The following THRAP3 variants were observed in gnomAD, a reference collection of about 807,000 sequenced individuals.
THRAP3 encodes thyroid hormone receptor-associated protein 3.
A neutral mutation model predicts 101.0 loss-of-function variants in THRAP3; 16 were observed. The ratio of observed to expected loss-of-function variants is 0.16; its 90% CI spans 0.11 to 0.24. The LOEUF is 0.24. Ranked by LOEUF, THRAP3 falls within the 10% of genes least tolerant of loss-of-function variation. THRAP3 has a pLI of 1.00. For missense variants in THRAP3, 989 were observed against 1,202.7 expected, an observed-to-expected ratio of 0.82 and a Z score of 2.63; for synonymous variants, 407 against 422.6, an observed-to-expected ratio of 0.96 and a Z score of 0.45.
intron 2 of THRAP3, among the ~76,000 whole-genome samples, chr1:36,278,179 C>T (rs186451481): frequency 6.6e-6 from 1 of 151,930 alleles, no homozygotes; most frequent in East Asian, 1.9e-4. Context: ...ATTCTCCCTG[C>T]CTCAGCCTTC....
At chr1:36,263,756 G>T (rs1037197442) in intron 2 of THRAP3, among the ~76,000 whole-genome samples, 4 of 152,114 alleles carry the variant, frequency 2.6e-5, no homozygotes, top group Non-Finnish European at 4.4e-5. Context: ...TAATAGACAC[G>T]CATTGACTGA....
intron 2 of THRAP3, among the ~76,000 whole-genome samples, chr1:36,261,280 C>T (rs570173047): frequency 6.6e-6 from 1 of 152,208 alleles, no homozygotes; most frequent in African/African-American, 2.4e-5. Flanking sequence ...CGCCTGTAAT[C>T]CCAGCACTTT....
At chr1:36,208,378 T>A in the THRAP3 span, among the ~76,000 whole-genome samples, 2 of 151,978 alleles carry the variant, frequency 1.3e-5, no homozygotes, top group Non-Finnish European at 2.9e-5. Flanking sequence ...TAGTCAAGGG[T>A]GGGAATGTGA....
intron 2 of THRAP3, among the ~76,000 whole-genome samples, chr1:36,263,722 T>G (rs573619572): frequency 6.6e-6 from 1 of 152,286 alleles, no homozygotes; most frequent in South Asian, 2.1e-4. Context: ...CCCCAATGAT[T>G]AATTGCATAG....
upstream of THRAP3, among the ~76,000 whole-genome samples, chr1:36,223,122 CAATA>C (rs546686168): frequency 2.2e-4 from 33 of 151,672 alleles, 1 homozygote; most frequent in Admixed American, 1.7e-3. Flanking sequence ...GGGAGAATCT[CAATA>C]AATAAATAAA....
At chr1:36,275,760 G>A (rs944443953) in intron 2 of THRAP3, among the ~76,000 whole-genome samples, 3 of 151,784 alleles carry the variant, frequency 2.0e-5, no homozygotes, top group African/African-American at 7.2e-5. Flanking sequence ...GGTGGCTCAT[G>A]CCTGTAATCC....
upstream of THRAP3, among the ~76,000 whole-genome samples, chr1:36,223,114 G>A (rs914456069): frequency 6.6e-6 from 1 of 151,906 alleles, no homozygotes; most frequent in Admixed American, 6.6e-5. Flanking sequence ...GCGACATAGG[G>A]AGAATCTCAA....
Position 36,289,054 on chromosome 1 carries a change from A to G in THRAP3, c.1041-6A>G. 6.4e-7 allele frequency: 1 copy of G among 1,555,700 alleles called. No individual in the cohort carries two copies. The highest frequency in any genetic ancestry group is 8.7e-7 in the Non-Finnish European group (1 of 1,154,502). On this transcript the variant is annotated splice_polypyrimidine_tract_variant and splice_region_variant and intron_variant, in intron 4 of 11. Transcript: ENST00000354618. The stretch of plus-strand genomic sequence containing the variant: ...TTGTGTCTCTCTCTTGTGTTTTTAT[A>G]AATAGGTATCTAGAAGAGCAGAAGA...
the THRAP3 span, among the ~76,000 whole-genome samples, chr1:36,217,906 C>A: frequency 6.6e-6 from 1 of 152,096 alleles, no homozygotes; most frequent in African/African-American, 2.4e-5. Flanking sequence ...AATTAATAAC[C>A]CTACAAAACG....
the THRAP3 span, among the ~76,000 whole-genome samples, chr1:36,217,636 T>C: frequency 6.6e-6 from 1 of 152,198 alleles, no homozygotes; most frequent in East Asian, 1.9e-4. Context: ...CCCTGTCACA[T>C]TTTGGTAATT....
chr1:36,234,743 G>T (rs1184988401), intron 1 of THRAP3, among the ~76,000 whole-genome samples: 1 of 149,240 alleles, frequency 6.7e-6, no homozygotes, highest in African/African-American at 2.5e-5. Context: ...AATGGTGAAT[G>T]CTTTGTCTTA....
chr1:36,233,874 T>C (rs1292970710), intron 1 of THRAP3, among the ~76,000 whole-genome samples: 1 of 152,246 alleles, frequency 6.6e-6, no homozygotes, highest in African/African-American at 2.4e-5. Context: ...ATGATAGTTT[T>C]CTGAGTTGTC....
chr1:36,221,286 A>T (rs1310744274), upstream of THRAP3, among the ~76,000 whole-genome samples: 1 of 151,790 alleles, frequency 6.6e-6, no homozygotes, highest in East Asian at 1.9e-4. Context: ...GCAGTATGTG[A>T]GATGAGTGAG....
intron 1 of THRAP3, among the ~76,000 whole-genome samples, chr1:36,229,047 A>G (rs938438859): frequency 1.3e-5 from 2 of 152,162 alleles, no homozygotes; most frequent in African/African-American, 4.8e-5. Context: ...GCAGTAAGAG[A>G]CATGGGTACC....
chr1:36,254,620 C>G (rs1372116997), intron 1 of THRAP3, among the ~76,000 whole-genome samples: 4 of 152,176 alleles, frequency 2.6e-5, no homozygotes, highest in Non-Finnish European at 5.9e-5. Flanking sequence ...CTACTCAGAT[C>G]TCCTGTCTTA....
Position 36,300,875 on chromosome 1 carries a change from T to C in THRAP3, c.2304-11T>C. On this transcript the variant is annotated splice_polypyrimidine_tract_variant and intron_variant, in intron 9 of 11. Coordinates refer to ENST00000354618, the MANE Select transcript of THRAP3 (RefSeq NM_005119.4). ...AGATGATTGATCACCCTGGCTCTTC[T>C]CTTTTCACAGGAAGCATCGGAGAGC... The C allele has an allele frequency of 6.2e-7, 1 of 1,612,484 alleles. No homozygotes were observed. The highest frequency in any genetic ancestry group is 8.5e-7 in the Non-Finnish European group (1 of 1,179,800).
At chr1:36,292,743 T>A in intron 7 of THRAP3, 34 bp downstream of exon 7, 1 of 1,511,592 alleles carries the variant, frequency 6.6e-7, no homozygotes, top group Non-Finnish European at 9.0e-7. Context: ...GAGGTTGTAA[T>A]AAAAGACTTT....
At position 36,266,774 on chromosome 1, in the gene THRAP3, G is replaced by A. The variant is rs145365443; in HGVS notation, c.-32+7290G>A. On this transcript the variant is annotated intron_variant, in intron 2 of 11. Transcript: ENST00000354618. ...TAAGTACAGTCAGAGAAGGTAGGTG[G>A]CCAAGTCCCTGGACAGTTGATACCT... 3.8e-4 allele frequency among the ~76,000 whole-genome samples: 58 copies of A among 152,302 alleles called. 1 individual carries two copies. The East Asian group carries it at 0.011, about 29-fold the overall frequency.
At chr1:36,257,426 G>T (rs17439607) in intron 1 of THRAP3, among the ~76,000 whole-genome samples, 3,383 of 152,288 alleles carry the variant, frequency 0.022, 51 homozygotes, top group Non-Finnish European at 0.032. Context: ...TGGACAATTA[G>T]TAATGTGTAG....
Sources: allele counts gnomAD v4.1 joint callset (sites outside exome capture counted in the v4.1 genomes callset), GRCh38; gene constraint gnomAD v4.1.1; transcripts MANE v1.5; gene names NCBI Gene and HGNC (gene_info 2026-07-23, HGNC 2026-07-21).